HLCS: variants seen among roughly 807,000 people sequenced by gnomAD.
The protein encoded by HLCS is biotin--protein ligase.
Under a neutral mutation model 75.0 loss-of-function variants are expected in HLCS, and 53 were observed. The ratio of observed to expected loss-of-function variants is 0.71; its 90% CI spans 0.57 to 0.89. The LOEUF (loss-of-function observed/expected upper bound fraction) is 0.89. Ranked by LOEUF, HLCS falls within the 40% of genes least tolerant of loss-of-function variation. HLCS has a pLI of 0.00. For synonymous variants in HLCS, 431 were observed against 428.6 expected, an observed-to-expected ratio of 1.01 and a Z score of -0.07; for missense variants, 966 against 1,074.0, an observed-to-expected ratio of 0.90 and a Z score of 1.41.
At chr21:36,983,786 G>A (rs2069174927) in intron 1 of HLCS, among the ~76,000 whole-genome samples, 1 of 151,290 alleles carries the variant, frequency 6.6e-6, no homozygotes, top group Non-Finnish European at 1.5e-5. Flanking sequence ...GCAGTGAGAC[G>A]AGATGGTGTC....
At chr21:36,968,021 G>T (rs887626067), upstream of HLCS, among the ~76,000 whole-genome samples, 1 of 149,990 alleles carries the variant, frequency 6.7e-6, no homozygotes, top group Non-Finnish European at 1.5e-5. Context: ...CGCCCAGCTA[G>T]GATAGATTTT....
chr21:36,788,496 G>A (rs2060763083), intron 6 of HLCS, among the ~76,000 whole-genome samples: 1 of 152,210 alleles, frequency 6.6e-6, no homozygotes, highest in Non-Finnish European at 1.5e-5. Context: ...AGATTGCTGT[G>A]TGTGCTTTCA....
At chr21:36,976,768 C>A (rs2068949250) in intron 1 of HLCS, among the ~76,000 whole-genome samples, 1 of 152,110 alleles carries the variant, frequency 6.6e-6, no homozygotes, top group Non-Finnish European at 1.5e-5. Context: ...AGGTGACATT[C>A]CACTGAATTT....
At chr21:36,791,354 C>G (rs1177793970) in intron 6 of HLCS, among the ~76,000 whole-genome samples, 1 of 152,138 alleles carries the variant, frequency 6.6e-6, no homozygotes, top group African/African-American at 2.4e-5. Context: ...TCAGCATTTG[C>G]GAGAAGCTGC....
chr21:36,934,353 C>T (rs753876674), intron 4 of HLCS, among the ~76,000 whole-genome samples: 9 of 152,146 alleles, frequency 5.9e-5, no homozygotes, highest in Non-Finnish European at 1.0e-4. Context: ...GTTGTTGCCA[C>T]GAAGAATTCT....
chr21:36,897,031 A>C lies in HLCS; in HGVS notation c.1721T>G (p.Val574Gly). ...QLSLRFVSSY[V>G]SEVEITPSCI... ...AGATGGGGTTATTTCTACTTCAGACACGTAGGATGAAACAAATCTAAGAGA... is the reference window on the plus strand; with the variant it reads ...AGATGGGGTTATTTCTACTTCAGACCCGTAGGATGAAACAAATCTAAGAGA... Residue 574 changes from valine (V) to glycine (G), a missense_variant, in exon 6 of 11, where the codon GTG (valine) becomes GGG (glycine). Physicochemically the swap from Val to Gly is moderately radical, Grantham distance 109 (BLOSUM62 -3). Transcript: ENST00000674895. 6.2e-7 allele frequency: 1 copy of C among 1,614,206 alleles called. No individual in the cohort carries two copies. Among genetic ancestry groups the C allele is most frequent in the Non-Finnish European group, 8.5e-7 (1 of 1,180,016 alleles).
chr21:36,890,091 T>C (rs1247472146), intron 6 of HLCS, among the ~76,000 whole-genome samples: 1 of 152,202 alleles, frequency 6.6e-6, no homozygotes, highest in African/African-American at 2.4e-5. Flanking sequence ...TTCTCCTGCC[T>C]GCCGCCTTGT....
intron 6 of HLCS, among the ~76,000 whole-genome samples, chr21:36,896,010 T>C (rs1601661957): frequency 6.6e-6 from 1 of 152,226 alleles, no homozygotes; most frequent in African/African-American, 2.4e-5. Context: ...AAACCTGCAG[T>C]AAGAGTAAAT....
At chr21:36,864,036 T>G (rs2835509) in intron 6 of HLCS, among the ~76,000 whole-genome samples, 28,717 of 152,204 alleles carry the variant, frequency 0.19, 2,878 homozygotes, top group Middle Eastern at 0.28. Flanking sequence ...ATGAAACTAT[T>G]ATATCACTCT....
intron 6 of HLCS, among the ~76,000 whole-genome samples, chr21:36,793,049 G>A (rs571464118): frequency 2.0e-5 from 3 of 152,312 alleles, no homozygotes; most frequent in Non-Finnish European, 4.4e-5. Flanking sequence ...AGAACCCCAA[G>A]CTTTGCAGTT....
intron 6 of HLCS, among the ~76,000 whole-genome samples, chr21:36,863,838 GT>G (rs11353178): frequency 1 from 151,678 of 152,300 alleles, 75,528 homozygotes; most frequent in East Asian, 1. Flanking sequence ...ATGCTGTGGT[GT>G]TGGAACTCAG....
At chr21:36,947,278 A>T (rs1205559584) in intron 2 of HLCS, 11 of 856,978 alleles carry the variant, frequency 1.3e-5, no homozygotes, top group Non-Finnish European at 1.5e-5. Context: ...GAGCCCAAAG[A>T]ATACATCCAC....
chr21:36,962,641 A>C (rs2068363929), intron 1 of HLCS, among the ~76,000 whole-genome samples: 1 of 151,812 alleles, frequency 6.6e-6, no homozygotes, highest in African/African-American at 2.4e-5. Flanking sequence ...CATACCAAAA[A>C]AATGAGTTGG....
rs2065029914 is a variant in HLCS at position 36,896,852 on chromosome 21, C to A, written c.1892+8G>T. On this transcript the variant is annotated splice_region_variant and intron_variant, in intron 6 of 10. Coordinates refer to ENST00000674895, the MANE Select transcript of HLCS (RefSeq NM_001352514.2). ...CTCTGAGCAGATGCAGACCTGCTCACACCTTACCCATCCAGGAGACGCATC... is the reference window on the plus strand; with the variant it reads ...CTCTGAGCAGATGCAGACCTGCTCAAACCTTACCCATCCAGGAGACGCATC... 6.2e-7 allele frequency: 1 copy of A among 1,613,944 alleles called. No individual in the cohort carries two copies. Among genetic ancestry groups the A allele is most frequent in the Non-Finnish European group, 8.5e-7 (1 of 1,179,842 alleles).
intron 6 of HLCS, among the ~76,000 whole-genome samples, chr21:36,844,411 A>G (rs2062726265): frequency 6.6e-6 from 1 of 152,156 alleles, no homozygotes; most frequent in South Asian, 2.1e-4. Flanking sequence ...ACTCTGTTCA[A>G]TTTTTCTGTT....
chr21:36,980,918 C>T (rs1439775358), intron 1 of HLCS: 1 of 152,962 alleles, frequency 6.5e-6, no homozygotes, highest in African/African-American at 2.4e-5. Flanking sequence ...CAGCGCACTT[C>T]CCGCTGCCCT....
At chr21:36,768,649 C>A (rs1172040522) in intron 6 of HLCS, among the ~76,000 whole-genome samples, 1 of 152,216 alleles carries the variant, frequency 6.6e-6, no homozygotes, top group Non-Finnish European at 1.5e-5. Flanking sequence ...GCTGCTGGAA[C>A]AGGCACAGGA....
chr21:36,938,783 C>T, intron 3 of HLCS, 49 bp downstream of exon 3: 1 of 1,589,942 alleles, frequency 6.3e-7, no homozygotes, highest in Non-Finnish European at 8.6e-7. Flanking sequence ...GGATTACAGG[C>T]ATGAGCCACT....
intron 8 of HLCS, among the ~76,000 whole-genome samples, chr21:36,762,737 T>C (rs1050784531): frequency 4.6e-5 from 7 of 152,222 alleles, no homozygotes; most frequent in Non-Finnish European, 8.8e-5. Context: ...TGGTACAAGC[T>C]TCTTAAGGAG....
Sources: allele counts gnomAD v4.1 joint callset (sites outside exome capture counted in the v4.1 genomes callset), GRCh38; gene constraint gnomAD v4.1.1; transcripts MANE v1.5; gene names NCBI Gene and HGNC (gene_info 2026-07-23, HGNC 2026-07-21).